Variants in PRPF4 observed in about 807,000 individuals in gnomAD.
PRPF4 encodes U4/U6 small nuclear ribonucleoprotein Prp4.
PRPF4 carries 14 observed loss-of-function variants against 72.2 expected under a neutral mutation model. That is an observed-to-expected ratio of 0.19 (90% confidence interval 0.13 to 0.30). The LOEUF (loss-of-function observed/expected upper bound fraction) is 0.30, where lower values mean the gene tolerates loss of function less well. PRPF4 is among the 10% of genes least tolerant of loss of function. The pLI, the probability that PRPF4 is intolerant of heterozygous loss-of-function variation, is 1.00. For missense variants in PRPF4, 478 were observed against 653.9 expected (o/e 0.73, Z 2.93); for synonymous variants, 225 against 232.2 (o/e 0.97, Z 0.28).
In PRPF4 at chr9:113,288,207, C is replaced by A. The variant is rs764441780; in HGVS notation, c.965C>A (p.Thr322Lys). The A allele has an allele frequency of 6.2e-7, 1 of 1,614,232 alleles. No homozygotes were observed. The highest frequency in any genetic ancestry group is 1.1e-5 in the South Asian group (1 of 91,090). ...CCAGTGGCAGATATTGAAGGCCATA[C>A]AGTGCGTGTGGCGCGGGTAATGTGG... is the stretch of plus-strand genomic sequence containing the variant. ...DEPVADIEGH[T>K]VRVARVMWHP... Residue 322 changes from threonine (T) to lysine (K), a missense_variant, in exon 10 of 14, where the codon ACA becomes AAA. Coordinates refer to ENST00000374198, the MANE Select transcript of PRPF4 (RefSeq NM_001244926.2).
At position 113,284,379 on chromosome 9, in the gene PRPF4, A is replaced by G. The variant is rs563764064; in HGVS notation, c.739A>G (p.Thr247Ala). The stretch of plus-strand genomic sequence containing the variant: ...TAGTCCCAATTCCAAGATGCTGGCC[A>G]CAGCTTGTTGGTAAGTTCCATTTTA... ...HFSPNSKMLA[T>A]ACWSGLCKLW... is the part of the protein sequence containing the mutation. The change falls in exon 7 of 14, where the codon ACA becomes GCA. Residue 247 changes from threonine (T) to alanine (A), a missense_variant. Coordinates refer to ENST00000374198, the MANE Select transcript of PRPF4 (RefSeq NM_001244926.2). 156 of 1,609,906 alleles carry G rather than the reference A, an allele frequency of 9.7e-5. 2 individuals carry two copies. In the South Asian group the frequency reaches 1.2e-3, roughly 13 times the overall value.
chr9:113,283,703 C>T (rs1204635179), intron 6 of PRPF4, among the ~76,000 whole-genome samples: 2 of 152,010 alleles, frequency 1.3e-5, no homozygotes, highest in Non-Finnish European at 2.9e-5. Flanking sequence ...TATTTCTCCC[C>T]GTTAATATGT....
chr9:113,277,386 T>TTGTGTG (rs71367710), intron 2 of PRPF4, among the ~76,000 whole-genome samples: 1 of 149,974 alleles, frequency 6.7e-6, no homozygotes, highest in African/African-American at 2.5e-5. Flanking sequence ...TGAAATCTTT[T>TTGTGTG]TGTGTGTGTG....
intron 3 of PRPF4, among the ~76,000 whole-genome samples, chr9:113,281,228 C>T (rs1832272800): frequency 6.6e-6 from 1 of 152,180 alleles, no homozygotes; most frequent in Non-Finnish European, 1.5e-5. Context: ...GCATAGATGC[C>T]ACCTATTCAA....
chr9:113,276,281 A>G (rs1832091772), intron 1 of PRPF4, among the ~76,000 whole-genome samples: 2 of 152,214 alleles, frequency 1.3e-5, no homozygotes, highest in South Asian at 4.1e-4. Context: ...AAGTAAACAG[A>G]TTTCAGAGCA....
rs762005806 is a variant in PRPF4, at chr9:113,290,911, A to G, written c.1267A>G (p.Thr423Ala). The change falls in exon 13 of 14, where the codon ACC becomes GCC. Residue 423 changes from threonine (T) to alanine (A), a missense_variant. Physicochemically the swap from Thr to Ala is moderately conservative, Grantham distance 58. Coordinates refer to ENST00000374198, the MANE Select transcript of PRPF4 (RefSeq NM_001244926.2). ...NFSPNGYHIA[T>A]GSGDNTCKVW... ...TCCAATCCACAGCTATCACATTGCA[A>G]CCGGCAGTGGTGACAACACCTGCAA... The G allele has an allele frequency of 1.9e-6, 3 of 1,614,200 alleles. No individual in the cohort carries two copies. The highest frequency in any genetic ancestry group is 2.2e-5 in the East Asian group (1 of 44,890).
chr9:113,285,419 G>C (rs748326256), intron 7 of PRPF4, among the ~76,000 whole-genome samples: 6 of 125,162 alleles, frequency 4.8e-5, no homozygotes, highest in Admixed American at 3.0e-4. Flanking sequence ...CACACTTTCG[G>C]CCAGGCTGGA....
At position 113,291,758 on chromosome 9, in the gene PRPF4, G is replaced by A; in HGVS notation, c.*98G>A. On this transcript the variant is annotated 3_prime_UTR_variant, in exon 14 of 14. Coordinates refer to ENST00000374198, the MANE Select transcript of PRPF4 (RefSeq NM_001244926.2). ...AGTGTTTAGTTCTATCATGTTTTCT[G>A]CCAATTACCATGCATAGACCCTCAG... 1 of 1,249,208 alleles carries A rather than the reference G, an allele frequency of 8.0e-7. No individual in the cohort carries two copies. The highest frequency in any genetic ancestry group is 1.1e-6 in the Non-Finnish European group (1 of 905,526). The allele number at this position is 1,249,208 out of a possible 1,614,324, so 77.4% of individuals were successfully genotyped here.
In PRPF4 at chr9:113,283,207, C is replaced by T. The variant is rs187531407; in HGVS notation, c.556C>T (p.Pro186Ser). The stretch of plus-strand genomic sequence containing the variant: ...ACTATGGATTGCTAATTATTCGTTG[C>T]CCAGGTAAAGAGAGCCTCCAGTAGA... Reference protein sequence around the residue: ...ARLWIANYSLPRAMKRLEEAR... With the variant: ...ARLWIANYSLSRAMKRLEEAR... Residue 186 changes from proline to serine, a missense_variant, in exon 5 of 14, where the codon CCC (proline) becomes TCC (serine). Physicochemically the swap from Pro to Ser is moderately conservative, Grantham distance 74. Transcript: ENST00000374198. The T allele has an allele frequency of 5.6e-6, 9 of 1,614,124 alleles. No individual in the cohort carries two copies. The African/African-American group carries it at 1.1e-4, about 19-fold the overall frequency.
chr9:113,275,680 G>A lies in PRPF4; in HGVS notation c.-64G>A. The A allele has an allele frequency of 1.7e-5, 26 of 1,567,800 alleles. 1 individual carries two copies. The South Asian group carries it at 2.4e-4, about 15-fold the overall frequency. On this transcript the variant is annotated 5_prime_UTR_variant, in exon 1 of 14. Coordinates refer to ENST00000374198, the MANE Select transcript of PRPF4 (RefSeq NM_001244926.2). ...GACGCACTTCCCCTCTGCTGGGCGCGCGGTGGACGGTCTGAAAGGGAGTGT... is the reference window on the plus strand; with the variant it reads ...GACGCACTTCCCCTCTGCTGGGCGCACGGTGGACGGTCTGAAAGGGAGTGT...
intron 6 of PRPF4, among the ~76,000 whole-genome samples, chr9:113,284,022 C>G (rs1832360293): frequency 6.8e-6 from 1 of 147,728 alleles, no homozygotes; most frequent in African/African-American, 2.5e-5. Flanking sequence ...GAGCCAAGAT[C>G]ACGCCACTAC....
intron 7 of PRPF4, 23 bp downstream of exon 7, chr9:113,284,412 A>G: frequency 6.4e-7 from 1 of 1,565,656 alleles, no homozygotes; most frequent in Non-Finnish European, 8.8e-7. Context: ...TTACAATGAC[A>G]TTTTTTCCTA....
intron 3 of PRPF4, among the ~76,000 whole-genome samples, chr9:113,279,432 C>T (rs564277499): frequency 6.6e-6 from 1 of 152,248 alleles, no homozygotes; most frequent in African/African-American, 2.4e-5. Flanking sequence ...GTCGTGATCT[C>T]GGCTCACTGC....
chr9:113,283,193 C>G lies in PRPF4; in HGVS notation c.542C>G (p.Ala181Gly), dbSNP rs946103699. The G allele has an allele frequency of 1.9e-6, 3 of 1,614,046 alleles. No homozygotes were observed. Among genetic ancestry groups the G allele is most frequent in the African/African-American group, 2.7e-5 (2 of 74,910 alleles). Residue 181 changes from alanine to glycine, a missense_variant, in exon 5 of 14, where the codon GCT (alanine) becomes GGT (glycine). Physicochemically the swap from Ala to Gly is moderately conservative, Grantham distance 60. Coordinates refer to ENST00000374198, the MANE Select transcript of PRPF4 (RefSeq NM_001244926.2). Reference sequence around the variant, plus strand: ...TTGAAGGTGGCAAGACTATGGATTGCTAATTATTCGTTGCCCAGGTAAAGA... The same window carrying G: ...TTGAAGGTGGCAAGACTATGGATTGGTAATTATTCGTTGCCCAGGTAAAGA... The part of the protein sequence containing the change: ...NSLKVARLWI[A>G]NYSLPRAMKR...
At position 113,286,756 on chromosome 9, in the gene PRPF4, C is replaced by T. The variant is rs1354614224; in HGVS notation, c.860C>T (p.Ser287Phe). ...AIVFHPKSTV[S>F]LDPKDVNLAS... ...GTATTCCATCCCAAATCCACTGTCT[C>T]CTTGGACCCAAAAGATGTCAACCTG... The change falls in exon 9 of 14, where the codon TCC becomes TTC. Residue 287 changes from serine (S) to phenylalanine (F), a missense_variant. Coordinates refer to ENST00000374198, the MANE Select transcript of PRPF4 (RefSeq NM_001244926.2). The T allele has an allele frequency of 1.4e-5, 23 of 1,614,028 alleles. No homozygotes were observed. Among genetic ancestry groups the T allele is most frequent in the Non-Finnish European group, 1.8e-5 (21 of 1,180,024 alleles).
rs767884015 is a variant in PRPF4, at chr9:113,290,474, G to A, written c.1031G>A (p.Arg344His). 17 of 1,614,150 alleles carry A rather than the reference G, an allele frequency of 1.1e-5. No homozygotes were observed. In the East Asian group the frequency reaches 1.3e-4, roughly 13 times the overall value. ...GRFLGTTCYD[R>H]SWRLWDLEAQ... ...GTGTGATTTGGTTTTAGCTATGACC[G>A]TTCATGGCGCTTATGGGATTTGGAG... The change falls in exon 11 of 14, where the codon CGT becomes CAT. Residue 344 changes from arginine to histidine, a missense_variant. Physicochemically the swap from Arg to His is conservative, Grantham distance 29. Coordinates refer to ENST00000374198, the MANE Select transcript of PRPF4 (RefSeq NM_001244926.2).
chr9:113,284,256 A>G, intron 6 of PRPF4, 39 bp from the exon 7 acceptor site: 1 of 1,446,548 alleles, frequency 6.9e-7, no homozygotes. Context: ...AGATTAACCT[A>G]TTAATGATCA....
chr9:113,285,293 A>G (rs1485452567), intron 7 of PRPF4, among the ~76,000 whole-genome samples: 6 of 142,866 alleles, frequency 4.2e-5, no homozygotes, highest in Non-Finnish European at 9.0e-5. Context: ...ACTTGAGCCC[A>G]GGAGTTTGAG....
In PRPF4 at chr9:113,292,097, C is replaced by G. The variant is rs1006169326; in HGVS notation, c.*437C>G. ...TCGCGGTGGCTTCTGCCTGTGATTCCGGCTACTTGGGAGGCTGAGGTGGGA... is the reference window on the plus strand; with the variant it reads ...TCGCGGTGGCTTCTGCCTGTGATTCGGGCTACTTGGGAGGCTGAGGTGGGA... On this transcript the variant is annotated 3_prime_UTR_variant, in exon 14 of 14. Transcript: ENST00000374198. 2 of 155,728 alleles carry G rather than the reference C, an allele frequency of 1.3e-5. No individual in the cohort carries two copies. Among genetic ancestry groups the G allele is most frequent in the African/African-American group, 2.4e-5 (1 of 41,360 alleles). 9.6% of individuals were successfully genotyped at this position (155,728 alleles called of 1,614,324 possible).
Sources: allele counts gnomAD v4.1 joint callset (sites outside exome capture counted in the v4.1 genomes callset), GRCh38; gene constraint gnomAD v4.1.1; transcripts MANE v1.5; gene names NCBI Gene and HGNC (gene_info 2026-07-23, HGNC 2026-07-21).